Variants in SLC26A4 observed in about 807,000 individuals in gnomAD.
The protein encoded by SLC26A4 is solute carrier family 26 member 4.
A neutral mutation model predicts 90.4 loss-of-function variants in SLC26A4; 93 were observed. The observed-to-expected ratio is 1.03, with a 90% CI of 0.87 to 1.22. SLC26A4 has a LOEUF of 1.22. Among genes scored for constraint, SLC26A4 ranks in the 50% most tolerant of loss-of-function variants. The probability of loss-of-function intolerance (pLI) is 0.00; values close to 1 mark genes in which losing one functional copy is unlikely to be tolerated. For synonymous variants in SLC26A4, 393 were observed against 354.6 expected (o/e 1.11, Z -1.22); for missense variants, 1,127 against 946.2 (o/e 1.19, Z -2.51).
Position 107,674,484 on chromosome 7 carries a change from G to A in SLC26A4, c.600+136G>A, listed in dbSNP as rs554897582. 320 of 762,278 alleles carry A rather than the reference G, an allele frequency of 4.2e-4. 2 individuals carry two copies. The African/African-American group carries it at 4.8e-3, about 11-fold the overall frequency. The allele number at this position is 762,278 out of a possible 1,614,324, so 47.2% of individuals were successfully genotyped here. On this transcript the variant is annotated intron_variant, in intron 5 of 20. Transcript: ENST00000644269. ...AACCCAAAATTATTTTCTAAATTAC[G>A]TTGTTTTAGGTCAGGTGCTAAAATA... is the stretch of plus-strand genomic sequence containing the variant.
At chr7:107,679,256 G>A (rs1376856317) in intron 6 of SLC26A4, among the ~76,000 whole-genome samples, 1 of 152,144 alleles carries the variant, frequency 6.6e-6, no homozygotes, top group African/African-American at 2.4e-5. Flanking sequence ...ACAAGGGTGA[G>A]AGCTTTGAAA....
Position 107,661,903 on chromosome 7 carries a change from C to T in SLC26A4, c.164+98C>T, listed in dbSNP as rs1584293290. 7.4e-7 allele frequency: 1 copy of T among 1,343,556 alleles called. No individual in the cohort carries two copies. Among genetic ancestry groups the T allele is most frequent in the East Asian group, 2.6e-5 (1 of 38,888 alleles). 83.2% of individuals were successfully genotyped at this position (1,343,556 alleles called of 1,614,324 possible). On this transcript the variant is annotated intron_variant, in intron 2 of 20. Transcript: ENST00000644269. This position sits in a 1 kb window ranked among gnomAD's most constrained non-coding sequence, Gnocchi z 5.1. ...CCAGCGGGCGAGAGTGGGGTGCGGG[C>T]GGCGGAGCCCCTGGGCGCCAGCTGC... is the stretch of plus-strand genomic sequence containing the variant.
In SLC26A4 at chr7:107,695,204, A is replaced by G. The variant is rs1358595881; in HGVS notation, c.1437+488A>G. Among the ~76,000 whole-genome samples the G allele has an allele frequency of 2.6e-5, 4 of 152,186 alleles. No homozygotes were observed. In the South Asian group the frequency reaches 8.3e-4, roughly 31 times the overall value. ...ATGAGAAGACTTCCTACATATTGAT[A>G]TGGAAAATTTTCCAAGACAAATCGT... On this transcript the variant is annotated intron_variant, in intron 12 of 20. Transcript: ENST00000644269.
rs7777921 is a variant in SLC26A4, at chr7:107,707,789, C to T, written c.2090-2265C>T. On this transcript the variant is annotated intron_variant, in intron 18 of 20. Coordinates refer to ENST00000644269, the MANE Select transcript of SLC26A4 (RefSeq NM_000441.2). ...TATCAGATAAGGCCATTTGGTTTAA[C>T]ATCTCTCTTTTACAGATTCTTTAAG... Among the ~76,000 whole-genome samples, 660 of 152,310 alleles carry T rather than the reference C, an allele frequency of 4.3e-3. 3 individuals carry two copies. Among genetic ancestry groups the T allele is most frequent in the African/African-American group, 0.015 (617 of 41,570 alleles).
chr7:107,665,456 G>A (rs967029082), intron 3 of SLC26A4, among the ~76,000 whole-genome samples: 2 of 152,186 alleles, frequency 1.3e-5, no homozygotes, highest in Non-Finnish European at 2.9e-5. Flanking sequence ...TCTAAGGGCT[G>A]TGACATGGTG....
chr7:107,687,129 G>A (rs1343678785), intron 8 of SLC26A4, among the ~76,000 whole-genome samples: 1 of 152,086 alleles, frequency 6.6e-6, no homozygotes, highest in African/African-American at 2.4e-5. Context: ...CACTTCTCCC[G>A]GTCTTCATCT....
At chr7:107,687,353 T>C (rs891791437) in intron 8 of SLC26A4, among the ~76,000 whole-genome samples, 1 of 152,164 alleles carries the variant, frequency 6.6e-6, no homozygotes, top group African/African-American at 2.4e-5. Context: ...TTCAATTGGT[T>C]TGGGGCAAAT....
In SLC26A4 at chr7:107,683,497, A is replaced by T. The variant is rs1277594548; in HGVS notation, c.961A>T (p.Lys321Ter). The change falls in exon 8 of 21, where the codon AAA (lysine) becomes TAA (stop). Residue 321 changes from lysine to a stop codon, truncating the protein, a stop_gained. Coordinates refer to ENST00000644269, the MANE Select transcript of SLC26A4 (RefSeq NM_000441.2). LOFTEE classifies it high-confidence loss of function. Reference sequence around the variant, plus strand: ...CATTTCATATGGAGCCAACCTGGAAAAAAATTACAATGCTGGCATTGTTAA... The same window carrying T: ...CATTTCATATGGAGCCAACCTGGAATAAAATTACAATGCTGGCATTGTTAA... ...TAISYGANLEKNYNAGIVKSI... is the reference protein window; with the variant it reads ...TAISYGANLE 6.2e-7 allele frequency: 1 copy of T among 1,613,946 alleles called. No individual in the cohort carries two copies. The highest frequency in any genetic ancestry group is 1.7e-5 in the Admixed American group (1 of 60,004).
At chr7:107,711,961 G>A (rs1194856506) in intron 19 of SLC26A4, among the ~76,000 whole-genome samples, 1 of 152,136 alleles carries the variant, frequency 6.6e-6, no homozygotes, top group East Asian at 1.9e-4. Flanking sequence ...GAGTTGCTTT[G>A]AAAATGTCCT....
chr7:107,690,991 G>A (rs1472446086), intron 10 of SLC26A4, among the ~76,000 whole-genome samples: 1 of 151,900 alleles, frequency 6.6e-6, no homozygotes, highest in African/African-American at 2.4e-5. Flanking sequence ...CAGGAATTTT[G>A]CTTCTGTCTC....
At chr7:107,666,576 T>C (rs1481179783) in intron 3 of SLC26A4, among the ~76,000 whole-genome samples, 1 of 151,920 alleles carries the variant, frequency 6.6e-6, no homozygotes, top group Admixed American at 6.6e-5. Flanking sequence ...ACTGAGAAGG[T>C]GAAATTTAGT....
intron 6 of SLC26A4, among the ~76,000 whole-genome samples, chr7:107,675,330 A>C (rs1321836250): frequency 1.3e-5 from 2 of 149,778 alleles, no homozygotes. Context: ...GAAAAGAAAA[A>C]GAAAGAAAAA....
At chr7:107,711,056 T>G (rs1488846531) in intron 19 of SLC26A4, among the ~76,000 whole-genome samples, 1 of 152,042 alleles carries the variant, frequency 6.6e-6, no homozygotes. Context: ...ATATTATTCT[T>G]TTTAGGCACT....
chr7:107,707,536 G>T (rs1792066235), intron 18 of SLC26A4, among the ~76,000 whole-genome samples: 1 of 152,178 alleles, frequency 6.6e-6, no homozygotes, highest in Admixed American at 6.5e-5. Flanking sequence ...TATATTTAAA[G>T]ATCTGATGTG....
chr7:107,678,406 GT>G (rs1371756265), intron 6 of SLC26A4, among the ~76,000 whole-genome samples: 1 of 152,186 alleles, frequency 6.6e-6, no homozygotes, highest in Non-Finnish European at 1.5e-5. Context: ...CAAACTAATT[GT>G]TGACCTGGGT....
intron 6 of SLC26A4, among the ~76,000 whole-genome samples, chr7:107,680,182 A>G (rs1328053147): frequency 2.4e-5 from 3 of 124,556 alleles, no homozygotes; most frequent in Admixed American, 8.7e-5. Context: ...CTTATTATAT[A>G]ATATAATCTT....
rs1172825734 is a variant in SLC26A4 at position 107,675,081 on chromosome 7, A to C, written c.737A>C (p.Asn246Thr). ...ATTGTCCTCAATGTTTCAACCAAAA[A>C]CTACAATGGAGTTCTCTCTATTATC... ...LKIVLNVSTK[N>T]YNGVLSIIYT... Residue 246 changes from asparagine to threonine, a missense_variant, in exon 6 of 21, where the codon AAC (asparagine) becomes ACC (threonine). Asn to Thr is a moderately conservative substitution (Grantham distance 65, BLOSUM62 0). Coordinates refer to ENST00000644269, the MANE Select transcript of SLC26A4 (RefSeq NM_000441.2). The C allele has an allele frequency of 6.2e-7, 1 of 1,614,022 alleles. No homozygotes were observed. The highest frequency in any genetic ancestry group is 1.3e-5 in the African/African-American group (1 of 74,986).
intron 3 of SLC26A4, 105 bp from the exon 4 acceptor site, chr7:107,672,033 C>A: frequency 1.3e-6 from 1 of 750,908 alleles, no homozygotes; most frequent in Non-Finnish European, 2.5e-6. Context: ...ATTGCTTTTG[C>A]ATCATCATAA....
intron 6 of SLC26A4, among the ~76,000 whole-genome samples, chr7:107,679,977 A>T (rs1293993350): frequency 3.0e-5 from 4 of 132,336 alleles, no homozygotes; most frequent in African/African-American, 5.9e-5. Context: ...TATATAATAT[A>T]ATCTTATTAT....
Sources: gnomAD v4.1 joint callset for allele counts (sites outside exome capture counted in the v4.1 genomes callset) on GRCh38, gnomAD v4.1.1 for gene constraint, Gnocchi (gnomAD v3.1) non-coding constraint, MANE v1.5 for transcripts, NCBI Gene and HGNC (gene_info 2026-07-23, HGNC 2026-07-21) for gene names.